The following MACROD2 variants were observed in gnomAD, a reference collection of about 807,000 sequenced individuals.
MACROD2 encodes mono-ADP ribosylhydrolase 2.
Under a neutral mutation model 70.4 loss-of-function variants are expected in MACROD2, and 36 were observed. The observed-to-expected ratio is 0.51, with a 90% CI of 0.39 to 0.68. MACROD2 has a LOEUF of 0.68. Among genes scored for constraint, MACROD2 ranks in the 30% least tolerant of loss-of-function variants. The probability of loss-of-function intolerance (pLI) is 0.00; values close to 1 mark genes in which losing one functional copy is unlikely to be tolerated. For synonymous variants in MACROD2, 172 were observed against 178.8 expected (o/e 0.96, Z 0.30); for missense variants, 496 against 538.4 (o/e 0.92, Z 0.78).
intron 5 of MACROD2, among the ~76,000 whole-genome samples, chr20:15,054,467 G>A (rs1265799431): frequency 6.6e-6 from 1 of 152,172 alleles, no homozygotes; most frequent in African/African-American, 2.4e-5. Context: ...TGAAGACTCA[G>A]ATGATTATTA....
intron 6 of MACROD2, among the ~76,000 whole-genome samples, chr20:15,416,918 T>C (rs1300915792): frequency 2.0e-5 from 3 of 148,820 alleles, no homozygotes; most frequent in Admixed American, 2.0e-4. Flanking sequence ...AAAAAAGAAG[T>C]GGCTGTACTC....
intron 5 of MACROD2, among the ~76,000 whole-genome samples, chr20:14,862,003 A>T (rs1303941770): frequency 8.8e-5 from 3 of 33,958 alleles, no homozygotes; most frequent in African/African-American, 3.2e-4. Context: ...TTATATATAT[A>T]TTTATATATA....
intron 10 of MACROD2, among the ~76,000 whole-genome samples, chr20:15,892,120 A>G (rs1267458072): frequency 6.6e-6 from 1 of 152,172 alleles, no homozygotes; most frequent in Non-Finnish European, 1.5e-5. Context: ...CATGCAATCC[A>G]GAAAATTCAG....
At chr20:14,388,613 C>G (rs1019522939) in intron 3 of MACROD2, among the ~76,000 whole-genome samples, 1 of 152,138 alleles carries the variant, frequency 6.6e-6, no homozygotes, top group Admixed American at 6.5e-5. Flanking sequence ...TTTATTTGTC[C>G]GTACCATAAG....
intron 5 of MACROD2, among the ~76,000 whole-genome samples, chr20:14,973,608 T>C (rs1182466955): frequency 6.6e-6 from 1 of 152,182 alleles, no homozygotes; most frequent in Non-Finnish European, 1.5e-5. Context: ...TTATGAAAAT[T>C]CTGCTGGAAG....
chr20:15,573,180 A>G (rs975885987), intron 8 of MACROD2, among the ~76,000 whole-genome samples: 3 of 152,166 alleles, frequency 2.0e-5, no homozygotes, highest in South Asian at 2.1e-4. Context: ...ACTAAGCCAT[A>G]AACTATGGTG....
At chr20:15,877,261 A>C (rs894480564) in intron 9 of MACROD2, among the ~76,000 whole-genome samples, 55 of 151,968 alleles carry the variant, frequency 3.6e-4, no homozygotes, top group African/African-American at 1.3e-3. Flanking sequence ...TAAATTCAAA[A>C]TCTGTTTCTC....
intron 4 of MACROD2, among the ~76,000 whole-genome samples, chr20:14,534,032 A>T (rs1028478705): frequency 6.6e-6 from 1 of 152,226 alleles, no homozygotes; most frequent in Non-Finnish European, 1.5e-5. Flanking sequence ...TGTTCTTGTT[A>T]CAAGTCTTTC....
chr20:14,990,523 T>C lies in MACROD2; in HGVS notation c.419-239417T>C, dbSNP rs922093954. ...TTTTTTTTTTTCTTTTTCTTTTTTT[T>C]TTTTTTTTGAGATGGAGTCTCGCTC... is the stretch of plus-strand genomic sequence containing the variant. On this transcript the variant is annotated intron_variant, in intron 5 of 17. Transcript: ENST00000684519. Among the ~76,000 whole-genome samples the C allele has an allele frequency of 8.4e-4, 124 of 148,486 alleles. 1 individual carries two copies. Among genetic ancestry groups the C allele is most frequent in the Non-Finnish European group, 1.4e-3 (91 of 67,038 alleles).
intron 3 of MACROD2, among the ~76,000 whole-genome samples, chr20:14,360,234 G>A (rs1820994883): frequency 6.6e-6 from 1 of 151,994 alleles, no homozygotes; most frequent in Admixed American, 6.6e-5. Flanking sequence ...AAAATCTATC[G>A]TATACTTGAA....
At chr20:14,762,911 C>G (rs2072035993) in intron 5 of MACROD2, among the ~76,000 whole-genome samples, 1 of 151,904 alleles carries the variant, frequency 6.6e-6, no homozygotes, top group African/African-American at 2.4e-5. Flanking sequence ...GCATGGGAGA[C>G]AGAGCAAGAT....
intron 5 of MACROD2, among the ~76,000 whole-genome samples, chr20:15,154,277 G>T (rs1366417013): frequency 6.6e-6 from 1 of 152,166 alleles, no homozygotes; most frequent in African/African-American, 2.4e-5. Context: ...GTCACTTGCA[G>T]GTATGAACTG....
chr20:15,814,523 T>C (rs1302006698), intron 8 of MACROD2, among the ~76,000 whole-genome samples: 1 of 152,150 alleles, frequency 6.6e-6, no homozygotes, highest in East Asian at 1.9e-4. Flanking sequence ...GCTTTGCCTC[T>C]CTGTGTTACT....
chr20:15,200,149 A>G (rs897134948), intron 5 of MACROD2, among the ~76,000 whole-genome samples: 9 of 152,208 alleles, frequency 5.9e-5, no homozygotes, highest in African/African-American at 2.2e-4. Context: ...GCCTTGTTTC[A>G]TCAGCATACT....
chr20:15,812,165 G>T (rs760676105), intron 8 of MACROD2, among the ~76,000 whole-genome samples: 7 of 152,174 alleles, frequency 4.6e-5, no homozygotes, highest in Admixed American at 2.0e-4. Context: ...CAAAATCAGG[G>T]CCGTCCCCCA....
At chr20:15,895,218 A>G (rs2064952594) in intron 10 of MACROD2, among the ~76,000 whole-genome samples, 1 of 152,214 alleles carries the variant, frequency 6.6e-6, no homozygotes, top group African/African-American at 2.4e-5. Context: ...TGCTTTGTTT[A>G]GGAACATCAT....
intron 6 of MACROD2, among the ~76,000 whole-genome samples, chr20:15,422,803 A>C (rs774765060): frequency 2.0e-5 from 3 of 152,192 alleles, no homozygotes; most frequent in Non-Finnish European, 4.4e-5. Flanking sequence ...TAAGCCATCT[A>C]GCCCAGCTCT....
intron 5 of MACROD2, among the ~76,000 whole-genome samples, chr20:15,151,281 C>T (rs1271434674): frequency 1.3e-5 from 2 of 152,056 alleles, no homozygotes; most frequent in African/African-American, 2.4e-5. Flanking sequence ...GGCCAGATTT[C>T]CAGCACTTGT....
At chr20:15,125,885 GTC>G (rs2076062771) in intron 5 of MACROD2, among the ~76,000 whole-genome samples, 1 of 151,362 alleles carries the variant, frequency 6.6e-6, no homozygotes, top group South Asian at 2.1e-4. Flanking sequence ...ACTACTTTCT[GTC>G]TCTCTAAATT....
Sources: gnomAD v4.1 joint callset for allele counts (sites outside exome capture counted in the v4.1 genomes callset) on GRCh38, gnomAD v4.1.1 for gene constraint, MANE v1.5 for transcripts, NCBI Gene and HGNC (gene_info 2026-07-23, HGNC 2026-07-21) for gene names.